Variants in PHF8 observed in about 807,000 individuals in gnomAD.
PHF8 encodes histone lysine demethylase PHF8.
PHF8 carries 9 observed loss-of-function variants against 74.4 expected under a neutral mutation model. That is an observed-to-expected ratio of 0.12 (90% CI 0.07 to 0.21). The LOEUF (loss-of-function observed/expected upper bound fraction) is 0.21, where lower values mean the gene tolerates loss of function less well. Ranked by LOEUF, PHF8 falls within the 10% of genes least tolerant of loss-of-function variation. PHF8 has a pLI of 1.00. For synonymous variants in PHF8, 311 were observed against 316.6 expected (o/e 0.98, Z 0.19); for missense variants, 478 against 816.6 (o/e 0.59, Z 5.05).
chrX:53,975,029 C>A (rs1213990830), intron 18 of PHF8, among the ~76,000 whole-genome samples: 1 of 111,567 alleles, frequency 9.0e-6, no homozygotes, highest in Non-Finnish European at 1.9e-5. Context: ...TGTAACAAAC[C>A]TGCACATCCT....
At chrX:53,946,096 T>C (rs943425854) in intron 19 of PHF8, among the ~76,000 whole-genome samples, 5 of 112,379 alleles carry the variant, frequency 4.4e-5, no homozygotes, top group African/African-American at 1.6e-4. Flanking sequence ...AGCTCTTCTT[T>C]ACAGAAGAAA....
chrX:54,004,232 T>C (rs1449036572), intron 8 of PHF8, among the ~76,000 whole-genome samples: 1 of 111,214 alleles, frequency 9.0e-6, no homozygotes, highest in Non-Finnish European at 1.9e-5. Flanking sequence ...AGAAAAGTCA[T>C]TATGGACTAG....
intron 18 of PHF8, among the ~76,000 whole-genome samples, chrX:53,968,609 A>C (rs1320633741): frequency 8.9e-6 from 1 of 112,400 alleles, no homozygotes; most frequent in African/African-American, 3.2e-5. Context: ...AAAATACAAC[A>C]ATTAAAACTA....
chrX:53,993,181 G>A (rs913334032), intron 13 of PHF8, among the ~76,000 whole-genome samples: 1 of 111,255 alleles, frequency 9.0e-6, no homozygotes, highest in Non-Finnish European at 1.9e-5. Context: ...CCTGACACAC[G>A]CAATGTTTTC....
chrX:54,010,569 G>C (rs1339269051), intron 8 of PHF8, among the ~76,000 whole-genome samples: 2 of 111,421 alleles, frequency 1.8e-5, no homozygotes, highest in African/African-American at 6.5e-5. Flanking sequence ...CACTAATTCT[G>C]ATTAAAGAAA....
At chrX:53,997,280 G>A (rs782127413) in intron 11 of PHF8, among the ~76,000 whole-genome samples, 5 of 111,514 alleles carry the variant, frequency 4.5e-5, no homozygotes, top group Non-Finnish European at 7.5e-5. Flanking sequence ...TTTGAGTACC[G>A]AGATTTACAT....
intron 17 of PHF8, 31 bp from the exon 18 acceptor site, chrX:53,985,258 AGTT>A: frequency 1.7e-5 from 19 of 1,094,041 alleles, no homozygotes; most frequent in Non-Finnish European, 2.4e-5. Flanking sequence ...ATACTGAGAG[AGTT>A]GTTTTTAGCT....
At chrX:54,029,517 A>C (rs1262085808) in intron 2 of PHF8, among the ~76,000 whole-genome samples, 1 of 112,236 alleles carries the variant, frequency 8.9e-6, no homozygotes, top group Non-Finnish European at 1.9e-5. Context: ...AAAATAGAAA[A>C]GCTTTTTCCT....
chrX:53,941,606 C>A (rs1317174818), intron 20 of PHF8, among the ~76,000 whole-genome samples: 1 of 112,000 alleles, frequency 8.9e-6, no homozygotes, highest in Non-Finnish European at 1.9e-5. Context: ...CACAGCCACA[C>A]AAACCAACTC....
intron 18 of PHF8, among the ~76,000 whole-genome samples, chrX:53,963,963 T>C (rs1259073632): frequency 8.9e-6 from 1 of 111,821 alleles, no homozygotes; most frequent in Admixed American, 9.5e-5. Flanking sequence ...CTGTACACAA[T>C]AGCAAAGACT....
At chrX:53,988,062 G>T in intron 14 of PHF8, 118 bp from the exon 15 acceptor site, 1 of 584,784 alleles carries the variant, frequency 1.7e-6, no homozygotes, top group Non-Finnish European at 2.8e-6. Context: ...AATCCAGCCA[G>T]CTTTTTAAAT....
rs190890780 is a variant in PHF8, at chrX:53,959,006, C to A, written c.2539+3838G>T. On this transcript the variant is annotated intron_variant, in intron 19 of 21. Transcript: ENST00000338154. ...ACTAATTGTAAAAACTTGAAAATAG[C>A]CTATATGTTAGAAATTACATATATA... Among the ~76,000 whole-genome samples, 6 of 110,052 alleles carry A rather than the reference C, an allele frequency of 5.5e-5. No individual in the cohort carries two copies. In the East Asian group the frequency reaches 1.7e-3, roughly 31 times the overall value.
intron 8 of PHF8, among the ~76,000 whole-genome samples, chrX:54,003,600 T>C (rs1024309127): frequency 5.4e-5 from 6 of 111,836 alleles, no homozygotes; most frequent in Non-Finnish European, 1.1e-4. Flanking sequence ...GAGGTTGCAG[T>C]GAGCCGAGAT....
rs782220348 is a variant in PHF8 at position 54,016,131 on chromosome X, G to A, written c.596+464C>T. Reference sequence around the variant, plus strand: ...AGAAATATGACTCAACTGTTACAACGTGAGCAGCTACCCTAGAAAATATAA... The same window carrying A: ...AGAAATATGACTCAACTGTTACAACATGAGCAGCTACCCTAGAAAATATAA... On this transcript the variant is annotated intron_variant, in intron 6 of 21. Transcript: ENST00000338154. Among the ~76,000 whole-genome samples the A allele has an allele frequency of 1.3e-4, 14 of 111,672 alleles. No homozygotes were observed. In the South Asian group the frequency reaches 5.3e-3, roughly 42 times the overall value.
chrX:53,984,905 T>C lies in PHF8; in HGVS notation c.2443+9A>G, dbSNP rs782572695. On this transcript the variant is annotated intron_variant, in intron 18 of 21. Transcript: ENST00000338154. Reference sequence around the variant, plus strand: ...TCTGGCCTGAACCCATGTGCTTAGCTGCCCTTACTATACTCTGCATCCTTG... The same window carrying C: ...TCTGGCCTGAACCCATGTGCTTAGCCGCCCTTACTATACTCTGCATCCTTG... 3 of 1,197,368 alleles carry C rather than the reference T, an allele frequency of 2.5e-6. No homozygotes were observed. The African/African-American group carries it at 5.3e-5, about 21-fold the overall frequency.
At chrX:54,003,957 C>T (rs1024591878) in intron 8 of PHF8, among the ~76,000 whole-genome samples, 1 of 111,990 alleles carries the variant, frequency 8.9e-6, no homozygotes. Flanking sequence ...TATGGCTAGA[C>T]TAAGCACTCT....
intron 5 of PHF8, 47 bp downstream of exon 5, chrX:54,017,614 G>C: frequency 9.3e-7 from 1 of 1,080,286 alleles, no homozygotes; most frequent in Non-Finnish European, 1.3e-6. Context: ...CACAGATCTT[G>C]ACAGGAATGA....
Position 54,009,071 on chromosome X carries a change from G to A in PHF8, c.946+2051C>T, listed in dbSNP as rs782708875. 1.7e-4 allele frequency among the ~76,000 whole-genome samples: 19 copies of A among 110,586 alleles called. No homozygotes were observed. In the East Asian group the frequency reaches 1.7e-3, roughly 10 times the overall value. ...CACAAGCCTGTAGTCCCAGCTACTC[G>A]GGAGGCTGAGGCAGGAGAATCACTT... is the stretch of plus-strand genomic sequence containing the variant. On this transcript the variant is annotated intron_variant, in intron 8 of 21. Coordinates refer to ENST00000338154, the MANE Select transcript of PHF8 (RefSeq NM_015107.3).
intron 2 of PHF8, among the ~76,000 whole-genome samples, chrX:54,027,160 ATCTC>A (rs782632376): frequency 1.8e-5 from 2 of 109,959 alleles, no homozygotes; most frequent in Admixed American, 9.8e-5. Context: ...AGTATCTTCA[ATCTC>A]TCTCTTTCTC....
Sources: gnomAD v4.1 joint callset for allele counts (sites outside exome capture counted in the v4.1 genomes callset) on GRCh38, gnomAD v4.1.1 for gene constraint, MANE v1.5 for transcripts, NCBI Gene and HGNC (gene_info 2026-07-23, HGNC 2026-07-21) for gene names.